Variants in DNAJC1 observed in about 807,000 individuals in gnomAD.
DNAJC1 encodes dnaJ homolog subfamily C member 1.
In DNAJC1, 58 loss-of-function variants were observed where a neutral mutation model predicts 76.6. The observed-to-expected ratio is 0.76, with a 90% CI of 0.61 to 0.94. The LOEUF (loss-of-function observed/expected upper bound fraction) is 0.94, where lower values mean the gene tolerates loss of function less well. DNAJC1 is among the 40% of genes least tolerant of loss of function. The probability of loss-of-function intolerance (pLI) is 0.00; values close to 1 mark genes in which losing one functional copy is unlikely to be tolerated. For missense variants in DNAJC1, 689 were observed against 677.3 expected (o/e 1.02, Z -0.19); for synonymous variants, 258 against 267.9 (o/e 0.96, Z 0.36).
chr10:21,927,722 T>C (rs1329063043), intron 3 of DNAJC1, among the ~76,000 whole-genome samples: 3 of 152,216 alleles, frequency 2.0e-5, no homozygotes, highest in Non-Finnish European at 4.4e-5. Context: ...TGTGTGCGTA[T>C]GTGTTGTGGT....
chr10:21,759,545 G>C lies in DNAJC1; in HGVS notation c.1221C>G (p.Pro407=), dbSNP rs1165635135. The part of the protein sequence containing the change: ...SRPIKTATTL[P]DDMITQREDA... ...CCTCTCGCTGGGTGATCATGTCATCGGGCAAGGTGGTGGCCGTTTTGATGG... is the reference window on the plus strand; with the variant it reads ...CCTCTCGCTGGGTGATCATGTCATCCGGCAAGGTGGTGGCCGTTTTGATGG... The change falls in exon 11 of 12, where the codon CCC becomes CCG. Residue 407 remains proline, a synonymous_variant. Transcript: ENST00000376980. The C allele has an allele frequency of 5.0e-6, 8 of 1,614,120 alleles. No homozygotes were observed. Among genetic ancestry groups the C allele is most frequent in the Non-Finnish European group, 6.8e-6 (8 of 1,180,028 alleles).
intron 8 of DNAJC1, among the ~76,000 whole-genome samples, chr10:21,855,365 A>C (rs1232000312): frequency 6.6e-6 from 1 of 152,196 alleles, no homozygotes; most frequent in Admixed American, 6.5e-5. Flanking sequence ...GGTTTAGAGA[A>C]AGTTATTCTT....
rs375087829 is a variant in DNAJC1 at position 21,987,120 on chromosome 10, T to TA, written c.222+16092dup. Among the ~76,000 whole-genome samples the TA allele has an allele frequency of 2.8e-3, 432 of 152,286 alleles. 2 individuals carry two copies. Among genetic ancestry groups the TA allele is most frequent in the African/African-American group, 0.01 (417 of 41,558 alleles). On this transcript the variant is annotated intron_variant, in intron 1 of 11. Coordinates refer to ENST00000376980, the MANE Select transcript of DNAJC1 (RefSeq NM_022365.4). ...ATTCGGAAGCCAAATTTCTGATAGT[T>TA]AAAGTGAAATAAATGAAATATAGTC...
At chr10:21,941,956 A>C (rs1837419959) in intron 1 of DNAJC1, among the ~76,000 whole-genome samples, 1 of 152,178 alleles carries the variant, frequency 6.6e-6, no homozygotes, top group South Asian at 2.1e-4. Context: ...AAAAATTTCC[A>C]AATTAATAGA....
chr10:21,880,449 A>G lies in DNAJC1; in HGVS notation c.978+1833T>C, dbSNP rs373620590. On this transcript the variant is annotated intron_variant, in intron 8 of 11. Transcript: ENST00000376980. ...TATGGCACCTACAGCCTTATAAAAT[A>G]TATGTCTTAAATAATAAAACTTAAG... Among the ~76,000 whole-genome samples the G allele has an allele frequency of 3.9e-5, 6 of 152,114 alleles. No individual in the cohort carries two copies. The East Asian group carries it at 9.6e-4, about 24-fold the overall frequency.
rs562153824 is a variant in DNAJC1, at chr10:21,842,613, A to G, written c.979-36514T>C. On this transcript the variant is annotated intron_variant, in intron 8 of 11. Coordinates refer to ENST00000376980, the MANE Select transcript of DNAJC1 (RefSeq NM_022365.4). ...TAGATAGCTATAAAGAATAGGCAAG[A>G]GGTTTTAAAGATGTAAATTGAGAAG... Among the ~76,000 whole-genome samples, 19 of 152,324 alleles carry G rather than the reference A, an allele frequency of 1.2e-4. No homozygotes were observed. In the East Asian group the frequency reaches 2.9e-3, roughly 23 times the overall value.
chr10:21,975,542 A>AACTCTGTTTAC (rs373529461), intron 1 of DNAJC1, among the ~76,000 whole-genome samples: 101 of 152,280 alleles, frequency 6.6e-4, no homozygotes, highest in African/African-American at 2.3e-3. Context: ...AGTACTTAGC[A>AACTCTGTTTAC]ACTCTGTTTA....
chr10:21,872,751 G>A (rs1259037156), intron 8 of DNAJC1, among the ~76,000 whole-genome samples: 1 of 151,956 alleles, frequency 6.6e-6, no homozygotes, highest in Non-Finnish European at 1.5e-5. Context: ...AGAGGAGAGA[G>A]CAGGTAAGAA....
At chr10:21,950,315 A>G (rs1258201246) in intron 1 of DNAJC1, among the ~76,000 whole-genome samples, 2 of 152,174 alleles carry the variant, frequency 1.3e-5, no homozygotes, top group African/African-American at 4.8e-5. Context: ...ACCTATGATC[A>G]GTGATCTTTG....
At chr10:21,891,743 C>T (rs917006145) in intron 7 of DNAJC1, among the ~76,000 whole-genome samples, 1 of 152,110 alleles carries the variant, frequency 6.6e-6, no homozygotes, top group Admixed American at 6.5e-5. Context: ...AAGGGGAAAC[C>T]AAGACATCCT....
intron 8 of DNAJC1, among the ~76,000 whole-genome samples, chr10:21,857,870 C>CA (rs1803049436): frequency 6.8e-6 from 1 of 147,856 alleles, no homozygotes; most frequent in African/African-American, 2.5e-5. Flanking sequence ...AACAAACAAA[C>CA]AAACAAAAAA....
intron 8 of DNAJC1, among the ~76,000 whole-genome samples, chr10:21,874,507 T>A (rs1836154168): frequency 6.6e-6 from 1 of 151,408 alleles, no homozygotes; most frequent in Non-Finnish European, 1.5e-5. Context: ...CATGAGAACA[T>A]TATGCCAAAT....
chr10:21,948,010 C>T (rs1323012662), intron 1 of DNAJC1, among the ~76,000 whole-genome samples: 1 of 151,894 alleles, frequency 6.6e-6, no homozygotes, highest in Non-Finnish European at 1.5e-5. Flanking sequence ...TTCTCAGATA[C>T]CTCTCTAATG....
At chr10:21,981,052 ATGTT>A (rs1262040512) in intron 1 of DNAJC1, among the ~76,000 whole-genome samples, 5 of 152,108 alleles carry the variant, frequency 3.3e-5, no homozygotes, top group Admixed American at 2.0e-4. Context: ...CTCTGTTTCT[ATGTT>A]TATTAATGCA....
rs150308337 is a variant in DNAJC1 at position 21,759,396 on chromosome 10, G to A, written c.1370C>T (p.Pro457Leu). The change falls in exon 11 of 12, where the codon CCG (proline) becomes CTG (leucine). Residue 457 changes from proline (P) to leucine (L), a missense_variant. Coordinates refer to ENST00000376980, the MANE Select transcript of DNAJC1 (RefSeq NM_022365.4). ...GGCTCTGGACTTCTCCTCTGGCTCC[G>A]GCTTCGCTGTAGCCTCCAGCAGCCT... ...PARLLEATAK[P>L]EPEEKSRAKR... 3.0e-5 allele frequency: 49 copies of A among 1,614,004 alleles called. No homozygotes were observed. The highest frequency in any genetic ancestry group is 3.0e-4 in the Admixed American group (18 of 60,008).
Position 21,778,172 on chromosome 10 carries a change from C to T in DNAJC1, c.1099-11863G>A, listed in dbSNP as rs537159233. Among the ~76,000 whole-genome samples, 156 of 151,990 alleles carry T rather than the reference C, an allele frequency of 1.0e-3. No individual in the cohort carries two copies. In the Middle Eastern group the frequency reaches 0.034, roughly 33 times the overall value. On this transcript the variant is annotated intron_variant, in intron 9 of 11. Transcript: ENST00000376980. ...CCACACCACTGCACTCCAGCCTGGG[C>T]GACAGAGTGAGACTTCATCTCAAAA...
At chr10:21,926,540 A>G (rs1837132290) in intron 3 of DNAJC1, among the ~76,000 whole-genome samples, 1 of 152,206 alleles carries the variant, frequency 6.6e-6, no homozygotes, top group Admixed American at 6.5e-5. Flanking sequence ...ATCTTCTTTT[A>G]GAAGATAATG....
At chr10:21,779,068 A>T (rs1455358792) in intron 9 of DNAJC1, among the ~76,000 whole-genome samples, 1 of 152,216 alleles carries the variant, frequency 6.6e-6, no homozygotes, top group Non-Finnish European at 1.5e-5. Flanking sequence ...GCCATTGCTG[A>T]GGCTTGAGTA....
At chr10:21,928,308 T>C (rs1280963341) in intron 3 of DNAJC1, among the ~76,000 whole-genome samples, 198 bp downstream of exon 3, 1 of 152,228 alleles carries the variant, frequency 6.6e-6, no homozygotes, top group Non-Finnish European at 1.5e-5. Context: ...GAAGCTTGTA[T>C]GTATCAAATC....
Sources: allele counts gnomAD v4.1 joint callset (sites outside exome capture counted in the v4.1 genomes callset), GRCh38; gene constraint gnomAD v4.1.1; transcripts MANE v1.5; gene names NCBI Gene and HGNC (gene_info 2026-07-23, HGNC 2026-07-21).